ADAMTS10: variants seen among roughly 807,000 people sequenced by gnomAD.
ADAMTS10 encodes the protein ADAM metallopeptidase with thrombospondin type 1 motif 10, also known as A disintegrin and metalloproteinase with thrombospondin motifs 10.
In ADAMTS10, 48 loss-of-function variants were observed where a neutral mutation model predicts 135.9. The ratio of observed to expected loss-of-function variants is 0.35; its 90% confidence interval spans 0.28 to 0.45. The LOEUF is 0.45. ADAMTS10 is among the 20% of genes least tolerant of loss of function. ADAMTS10 has a pLI of 1.00. For synonymous variants in ADAMTS10, 621 were observed against 647.5 expected, an observed-to-expected ratio of 0.96 and a Z score of 0.62; for missense variants, 1,131 against 1,565.2, an observed-to-expected ratio of 0.72 and a Z score of 4.68.
In ADAMTS10 at chr19:8,589,882, C is replaced by A; in HGVS notation, c.1900+7G>T. 6.2e-7 allele frequency: 1 copy of A among 1,612,918 alleles called. No homozygotes were observed. Among genetic ancestry groups the A allele is most frequent in the South Asian group, 1.1e-5 (1 of 91,048 alleles). On this transcript the variant is annotated splice_region_variant and intron_variant, in intron 16 of 25. Coordinates refer to ENST00000597188, the MANE Select transcript of ADAMTS10 (RefSeq NM_030957.4). Reference sequence around the variant, plus strand: ...CGGCCCCACAGCCTTTGGAGTCCCACACTCACCTCCCCGGTACGTTTTCCA... The same window carrying A: ...CGGCCCCACAGCCTTTGGAGTCCCAAACTCACCTCCCCGGTACGTTTTCCA...
rs1336861113 is a variant in ADAMTS10, at chr19:8,585,245, G to C, written c.2929C>G (p.Arg977Gly). ...CAGTGCGCCGGGGGCAGCGTGGCGC[G>C]GTGGTCTGCGCTCTTGCAAAGGACC... is the stretch of plus-strand genomic sequence containing the variant. ...RVVLCKSADH[R>G]ATLPPAHCSP... is the part of the protein sequence containing the mutation. Residue 977 changes from arginine to glycine, a missense_variant, in exon 24 of 26, where the codon CGC (arginine) becomes GGC (glycine). By Grantham distance (125) the Arg-to-Gly change is moderately radical. Around this residue, in one of 3 missense-constraint regions of ADAMTS10, gnomAD observed 745 missense variants for 1,056.3 expected, o/e 0.71. Transcript: ENST00000597188. 1.0e-5 allele frequency: 15 copies of C among 1,474,072 alleles called. No individual in the cohort carries two copies. In the African/African-American group the frequency reaches 2.0e-4, roughly 19 times the overall value. The allele number at this position is 1,474,072 out of a possible 1,614,324, so 91.3% of individuals were successfully genotyped here.
intron 6 of ADAMTS10, among the ~76,000 whole-genome samples, chr19:8,598,667 C>T (rs782661535): frequency 5.5e-5 from 8 of 144,608 alleles, no homozygotes; most frequent in African/African-American, 1.0e-4. Flanking sequence ...CTCCACCTCC[C>T]GGGTTCAAGC....
intron 12 of ADAMTS10, 47 bp downstream of exon 12, chr19:8,595,715 G>GCCCCCCCCCCCCCCC: frequency 1.2e-6 from 1 of 844,008 alleles, no homozygotes; most frequent in Non-Finnish European, 1.8e-6. Context: ...CCCAGCCCCA[G>GCCCCCCCCCCCCCCC]CGGCCCCCTC....
intron 2 of ADAMTS10, among the ~76,000 whole-genome samples, chr19:8,606,690 T>A (rs1373173616): frequency 6.6e-6 from 1 of 151,562 alleles, no homozygotes; most frequent in East Asian, 1.9e-4. Context: ...GACTCAGGAG[T>A]GATAGAGTTT....
At chr19:8,581,211 A>T in intron 25 of ADAMTS10, 1 of 355,998 alleles carries the variant, frequency 2.8e-6, no homozygotes, top group Non-Finnish European at 4.9e-6. Flanking sequence ...TCTTGAGCTC[A>T]AGTGATCCTC....
At chr19:8,600,245 C>T (rs190627064) in intron 6 of ADAMTS10, among the ~76,000 whole-genome samples, 13 of 152,306 alleles carry the variant, frequency 8.5e-5, no homozygotes, top group Admixed American at 7.8e-4. Context: ...GCCCATTTTA[C>T]AGATAGGTAA....
Position 8,605,525 on chromosome 19 carries a change from C to A in ADAMTS10, c.88+98G>T. On this transcript the variant is annotated intron_variant, in intron 3 of 25. Transcript: ENST00000597188. This position sits in a 1 kb window ranked among gnomAD's most constrained non-coding sequence, Gnocchi z 7.7. ...TGACCCCAGGGCCTTCCCCCATTGACCCCCATCCCAGCCCCCTGATGCCTC... is the reference window on the plus strand; with the variant it reads ...TGACCCCAGGGCCTTCCCCCATTGAACCCCATCCCAGCCCCCTGATGCCTC... 1 of 1,356,994 alleles carries A rather than the reference C, an allele frequency of 7.4e-7. No individual in the cohort carries two copies. The highest frequency in any genetic ancestry group is 2.0e-5 in the Admixed American group (1 of 50,568). 84.1% of individuals were successfully genotyped at this position (1,356,994 alleles called of 1,614,324 possible). A position where few individuals can be genotyped will look rare whatever the true frequency, so the allele number is the denominator to read the frequency against.
intron 16 of ADAMTS10, 47 bp from the exon 17 acceptor site, chr19:8,589,632 C>G (rs2042494103): frequency 1.2e-6 from 2 of 1,610,764 alleles, no homozygotes; most frequent in Admixed American, 3.3e-5. Flanking sequence ...CACCCCGGAA[C>G]TCTTTGCTTG....
chr19:8,596,102 G>A lies in ADAMTS10; in HGVS notation c.1308C>T (p.Cys436=). The change falls in exon 11 of 26, where the codon TGC becomes TGT. Residue 436 remains cysteine (C), a synonymous_variant. Coordinates refer to ENST00000597188, the MANE Select transcript of ADAMTS10 (RefSeq NM_030957.4). The surrounding 1 kb of genome is among the most constrained non-coding windows in gnomAD (Gnocchi z 7.2). Reference sequence around the variant, plus strand: ...GAAAGCTGGTGATGTAGTCACGGCTGCAGGATGACCACACGAATGGGTTGG... The same window carrying A: ...GAAAGCTGGTGATGTAGTCACGGCTACAGGATGACCACACGAATGGGTTGG... ...MKTNPFVWSS[C]SRDYITSFLD... The A allele has an allele frequency of 1.9e-6, 3 of 1,614,220 alleles. No individual in the cohort carries two copies. The highest frequency in any genetic ancestry group is 2.5e-6 in the Non-Finnish European group (3 of 1,180,040).
chr19:8,580,728 C>A lies in ADAMTS10; in HGVS notation c.*165G>T. On this transcript the variant is annotated 3_prime_UTR_variant, in exon 26 of 26. Transcript: ENST00000597188. ...CTCTGGGGGGATAGCCAGCCCCTCTCCATCCCCCCAGCCAGGGCCCTGCAG... is the reference window on the plus strand; with the variant it reads ...CTCTGGGGGGATAGCCAGCCCCTCTACATCCCCCCAGCCAGGGCCCTGCAG... 1 of 613,616 alleles carries A rather than the reference C, an allele frequency of 1.6e-6. No individual in the cohort carries two copies. Among genetic ancestry groups the A allele is most frequent in the Non-Finnish European group, 2.9e-6 (1 of 347,028 alleles). The allele number at this position is 613,616 out of a possible 1,614,324, so 38.0% of individuals were successfully genotyped here.
chr19:8,589,634 CTTTGCTTGCTCCCTGGGGG>C lies in ADAMTS10; in HGVS notation c.1901-68_1901-50del, dbSNP rs782494086. On this transcript the variant is annotated intron_variant, in intron 16 of 25. Coordinates refer to ENST00000597188, the MANE Select transcript of ADAMTS10 (RefSeq NM_030957.4). ...CCACGGGCCAGGCCACCCCGGAACT[CTTTGCTTGCTCCCTGGGGG>C]AGTGAGGCCAAGAGGGACAGACCCC... 181 of 1,610,214 alleles carry C rather than the reference CTTTGCTTGCTCCCTGGGGG, an allele frequency of 1.1e-4. 1 individual carries two copies. In the Admixed American group the frequency reaches 3.0e-3, roughly 26 times the overall value.
In ADAMTS10 at chr19:8,605,352, A is replaced by G. The variant is rs781862564; in HGVS notation, c.95T>C (p.Phe32Ser). ...VTHAFRSQDE[F>S]LSSLESYEIA... is the part of the protein sequence containing the mutation. ...CTCATAGCTCTCCAGACTGGACAGG[A>G]ACTCATCTGTGGGTGAGGGTCAGAG... is the stretch of plus-strand genomic sequence containing the variant. Residue 32 changes from phenylalanine (F) to serine (S), a missense_variant, in exon 4 of 26, where the codon TTC becomes TCC. This residue lies in a region of ADAMTS10 where 306 missense variants were observed against 344.4 expected (regional missense o/e 0.89). Coordinates refer to ENST00000597188, the MANE Select transcript of ADAMTS10 (RefSeq NM_030957.4). The surrounding 1 kb of genome is among the most constrained non-coding windows in gnomAD (Gnocchi z 7.7). 4 of 1,599,240 alleles carry G rather than the reference A, an allele frequency of 2.5e-6. No individual in the cohort carries two copies. The highest frequency in any genetic ancestry group is 1.1e-5 in the South Asian group (1 of 88,928).
At chr19:8,589,212 G>A (rs782220275) in intron 18 of ADAMTS10, 30 bp downstream of exon 18, 1 of 1,611,792 alleles carries the variant, frequency 6.2e-7, no homozygotes, top group South Asian at 1.1e-5. Flanking sequence ...CCCATGCAGG[G>A]AGTGTGGGAG....
chr19:8,580,992 A>G lies in ADAMTS10; in HGVS notation c.3213T>C (p.Asp1071=), dbSNP rs1555735679. ...TPGDGPEECK[D]VNKVAYCPLV... is the part of the protein sequence containing the mutation. ...GGGGGCAGTAGGCGACCTTGTTCAC[A>G]TCCTTGCACTCTGCGGGGACGGGAG... Residue 1071 remains aspartate (D), a synonymous_variant, in exon 26 of 26, where the codon GAT becomes GAC. Transcript: ENST00000597188. 1.2e-6 allele frequency: 2 copies of G among 1,613,172 alleles called. No homozygotes were observed. Among genetic ancestry groups the G allele is most frequent in the Non-Finnish European group, 1.7e-6 (2 of 1,179,476 alleles).
At chr19:8,609,392 GTCCCA>G (rs1387489730) in intron 1 of ADAMTS10, among the ~76,000 whole-genome samples, 1 of 151,934 alleles carries the variant, frequency 6.6e-6, no homozygotes, top group Non-Finnish European at 1.5e-5. Flanking sequence ...CAGAGGCTCT[GTCCCA>G]TCCCATCCCA....
chr19:8,586,998 C>T, intron 18 of ADAMTS10, 102 bp from the exon 19 acceptor site: 1 of 1,230,844 alleles, frequency 8.1e-7, no homozygotes, highest in Non-Finnish European at 1.2e-6. Context: ...TATTACTGCG[C>T]TAAACACACA....
Position 8,580,652 on chromosome 19 carries a change from G to A in ADAMTS10, c.*241C>T. The A allele has an allele frequency of 2.0e-6, 1 of 509,190 alleles. No homozygotes were observed. The highest frequency in any genetic ancestry group is 3.3e-5 in the Admixed American group (1 of 30,462). The allele number at this position is 509,190 out of a possible 1,614,324, so 31.5% of individuals were successfully genotyped here. On this transcript the variant is annotated 3_prime_UTR_variant, in exon 26 of 26. Coordinates refer to ENST00000597188, the MANE Select transcript of ADAMTS10 (RefSeq NM_030957.4). ...GCTGTCCCCTCCCCAGACCCACCCT[G>A]GAGGGGGGGTCTCACTATGTGAACT...
chr19:8,585,742 C>T, intron 22 of ADAMTS10, 82 bp from the exon 23 acceptor site: 1 of 1,378,470 alleles, frequency 7.3e-7, no homozygotes, highest in East Asian at 2.4e-5. Context: ...AGCCTACCCC[C>T]ACCCTTCCAA....
chr19:8,585,809 C>T, intron 22 of ADAMTS10, 149 bp from the exon 23 acceptor site: 1 of 873,364 alleles, frequency 1.1e-6, no homozygotes. Flanking sequence ...ACACTTGGGG[C>T]ATCGTTAGCC....
Sources: gnomAD v4.1 joint callset for allele counts (sites outside exome capture counted in the v4.1 genomes callset) on GRCh38, gnomAD v4.1.1 for gene constraint, gnomAD v4.1.1 regional missense constraint, Gnocchi (gnomAD v3.1) non-coding constraint, MANE v1.5 for transcripts, NCBI Gene and HGNC (gene_info 2026-07-23, HGNC 2026-07-21) for gene names.